The following AK6 variants were observed in gnomAD, a reference collection of about 807,000 sequenced individuals.
AK6 encodes the protein adenylate kinase 6.
A neutral mutation model predicts 23.7 loss-of-function variants in AK6; 24 were observed. The ratio of observed to expected loss-of-function variants is 1.01; its 90% CI spans 0.73 to 1.43. The LOEUF is 1.43. Among genes scored for constraint, AK6 ranks in the 40% most tolerant of loss-of-function variants. The pLI is 0.00. For synonymous variants in AK6, 73 were observed against 69.8 expected, an observed-to-expected ratio of 1.05 and a Z score of -0.23; for missense variants, 191 against 199.1, an observed-to-expected ratio of 0.96 and a Z score of 0.24.
intron 2 of AK6, among the ~76,000 whole-genome samples, chr5:69,362,969 T>C (rs1277591635): frequency 1.3e-5 from 2 of 151,998 alleles, no homozygotes; most frequent in Admixed American, 1.3e-4. Context: ...GTGGCTCTCG[T>C]CTGCAATCCC....
At position 69,355,403 on chromosome 5, in the gene AK6, T is replaced by C. The variant is rs181631445; in HGVS notation, c.326+246A>G. ...AAAAAATTAGCCAGGCAAGGTGGCATGTGCCCGTGGTCTGTTAGTCAGGAG... is the reference window on the plus strand; with the variant it reads ...AAAAAATTAGCCAGGCAAGGTGGCACGTGCCCGTGGTCTGTTAGTCAGGAG... On this transcript the variant is annotated intron_variant, in intron 4 of 4. Transcript: ENST00000380822. 1.5e-3 allele frequency: 617 copies of C among 412,742 alleles called. 8 individuals carry two copies. In the East Asian group the frequency reaches 0.025, roughly 17 times the overall value. The allele number at this position is 412,742 out of a possible 1,614,324, so 25.6% of individuals were successfully genotyped here. A position where few individuals can be genotyped will look rare whatever the true frequency, so the allele number is the denominator to read the frequency against.
intron 2 of AK6, among the ~76,000 whole-genome samples, chr5:69,364,148 G>C (rs1488001877): frequency 1.3e-5 from 2 of 151,324 alleles, no homozygotes; most frequent in African/African-American, 2.4e-5. Flanking sequence ...TAAAAATCTA[G>C]GTTTTAGAAA....
intron 4 of AK6, among the ~76,000 whole-genome samples, chr5:69,353,405 C>T (rs1762000135): frequency 6.6e-6 from 1 of 152,046 alleles, no homozygotes; most frequent in Admixed American, 6.6e-5. Context: ...TCAAGCAATT[C>T]TCCTGCCTCA....
At chr5:69,352,947 G>C (rs1425648537) in intron 4 of AK6, among the ~76,000 whole-genome samples, 1 of 152,128 alleles carries the variant, frequency 6.6e-6, no homozygotes, top group Non-Finnish European at 1.5e-5. Context: ...ACATGTGCAA[G>C]AATGTTTATG....
chr5:69,361,633 T>G (rs1346037580), intron 2 of AK6, among the ~76,000 whole-genome samples: 1 of 150,684 alleles, frequency 6.6e-6, no homozygotes, highest in African/African-American at 2.4e-5. Context: ...GACTGAGTCT[T>G]GCTCTGTCTT....
At position 69,352,264 on chromosome 5, in the gene AK6, G is replaced by A. The variant is rs1401687048; in HGVS notation, c.327-11C>T. ...TTCTCATTATAACCCCTAGAAGGCAGGGAGGTTAAGCAAACAAGAAGCAAA... is the reference window on the plus strand; with the variant it reads ...TTCTCATTATAACCCCTAGAAGGCAAGGAGGTTAAGCAAACAAGAAGCAAA... On this transcript the variant is annotated splice_polypyrimidine_tract_variant and intron_variant, in intron 4 of 4. Transcript: ENST00000380822. The A allele has an allele frequency of 3.8e-6, 6 of 1,597,562 alleles. No homozygotes were observed. The highest frequency in any genetic ancestry group is 1.1e-5 in the South Asian group (1 of 88,598).
At chr5:69,354,073 TC>T (rs1335399920) in intron 4 of AK6, among the ~76,000 whole-genome samples, 1 of 152,038 alleles carries the variant, frequency 6.6e-6, no homozygotes, top group Non-Finnish European at 1.5e-5. Flanking sequence ...CCGTCCTGCC[TC>T]CCCCTCACCA....
chr5:69,367,391 T>C (rs1033275715), intron 1 of AK6, among the ~76,000 whole-genome samples: 6 of 150,234 alleles, frequency 4.0e-5, no homozygotes, highest in African/African-American at 1.5e-4. Flanking sequence ...GTGCCTGTAA[T>C]CCCAGCTACT....
At chr5:69,358,114 T>C (rs1762128749) in intron 2 of AK6, among the ~76,000 whole-genome samples, 1 of 152,230 alleles carries the variant, frequency 6.6e-6, no homozygotes, top group South Asian at 2.1e-4. Flanking sequence ...CAGTATTGCA[T>C]ATTTTTTTAA....
intron 2 of AK6, among the ~76,000 whole-genome samples, chr5:69,361,228 G>T (rs1328780594): frequency 6.6e-6 from 1 of 151,222 alleles, no homozygotes; most frequent in Non-Finnish European, 1.5e-5. Flanking sequence ...ATCTTGGCTC[G>T]CTGCAAGCTC....
intron 4 of AK6, 68 bp from the exon 5 acceptor site, chr5:69,352,321 T>C: frequency 1.6e-6 from 2 of 1,261,136 alleles, no homozygotes; most frequent in Non-Finnish European, 2.2e-6. Context: ...TTCAGAAACA[T>C]ACCAGAAACT....
intron 2 of AK6, among the ~76,000 whole-genome samples, chr5:69,360,413 C>T (rs1454622661): frequency 6.6e-6 from 1 of 152,098 alleles, no homozygotes; most frequent in East Asian, 1.9e-4. Flanking sequence ...CAAGTATAGT[C>T]AAGGATGCTT....
upstream of AK6, chr5:69,369,745 C>T (rs962935880): frequency 2.0e-6 from 3 of 1,523,422 alleles, no homozygotes; most frequent in Non-Finnish European, 2.7e-6. Flanking sequence ...CGCTGGATGC[C>T]TAAGTCACAC....
Position 69,366,532 on chromosome 5 carries a change from T to G in AK6, c.92A>C (p.Tyr31Ser). The G allele has an allele frequency of 1.9e-6, 3 of 1,614,030 alleles. No homozygotes were observed. Among genetic ancestry groups the G allele is most frequent in the Non-Finnish European group, 2.5e-6 (3 of 1,179,976 alleles). ...KELASKSGLK[Y>S]INVGDLAREE... ...TCGAGCTAAATCACCCACATTAATG[T>G]ATTTCAGTCCTGATTTTGACGCAAG... The change falls in exon 2 of 5, where the codon TAC becomes TCC. Residue 31 changes from tyrosine to serine, a missense_variant. Tyr to Ser is a moderately radical substitution (Grantham distance 144). Transcript: ENST00000380822.
At chr5:69,355,187 TA>T (rs1225496476) in intron 4 of AK6, among the ~76,000 whole-genome samples, 1 of 152,158 alleles carries the variant, frequency 6.6e-6, no homozygotes, top group Non-Finnish European at 1.5e-5. Context: ...GTTGAGATAT[TA>T]ATTTACTCAA....
At chr5:69,356,793 G>A (rs1762095134) in intron 2 of AK6, among the ~76,000 whole-genome samples, 1 of 152,156 alleles carries the variant, frequency 6.6e-6, no homozygotes, top group South Asian at 2.1e-4. Flanking sequence ...TAGATTTCCA[G>A]TATTCCAAAC....
intron 1 of AK6, among the ~76,000 whole-genome samples, chr5:69,367,534 C>A (rs1466864269): frequency 6.6e-6 from 1 of 151,142 alleles, no homozygotes; most frequent in African/African-American, 2.4e-5. Context: ...TTAGCCACCT[C>A]GAATCAATTA....
intron 4 of AK6, among the ~76,000 whole-genome samples, chr5:69,355,037 GC>G (rs1411459427): frequency 6.6e-6 from 1 of 152,016 alleles, no homozygotes; most frequent in Non-Finnish European, 1.5e-5. Flanking sequence ...CACCATGTTA[GC>G]CAGCATGGTC....
At chr5:69,368,194 A>C (rs1343702157) in intron 1 of AK6, among the ~76,000 whole-genome samples, 1 of 152,204 alleles carries the variant, frequency 6.6e-6, no homozygotes, top group Admixed American at 6.5e-5. Context: ...TATAAATACA[A>C]CACATATTCC....
Sources: gnomAD v4.1 joint callset for allele counts (sites outside exome capture counted in the v4.1 genomes callset) on GRCh38, gnomAD v4.1.1 for gene constraint, MANE v1.5 for transcripts, NCBI Gene and HGNC (gene_info 2026-07-23, HGNC 2026-07-21) for gene names.